Variants in RIBC2 observed in about 807,000 individuals in gnomAD.
RIBC2 encodes RIB43A-like with coiled-coils protein 2.
A neutral mutation model predicts 44.3 loss-of-function variants in RIBC2; 40 were observed. The observed-to-expected ratio is 0.90, with a 90% CI of 0.70 to 1.18. RIBC2 has a LOEUF of 1.18. RIBC2 is among the 50% of genes most tolerant of loss of function. The pLI is 0.00. For missense variants in RIBC2, 459 were observed against 485.5 expected, an observed-to-expected ratio of 0.95 and a Z score of 0.51; for synonymous variants, 171 against 175.0, an observed-to-expected ratio of 0.98 and a Z score of 0.18.
chr22:45,422,220 C>A, intron 3 of RIBC2, 70 bp from the exon 4 acceptor site: 1 of 1,076,284 alleles, frequency 9.3e-7, no homozygotes, highest in Non-Finnish European at 1.4e-6. Flanking sequence ...GAGGCAAAGG[C>A]ACGAACGGCC....
chr22:45,426,234 C>T, intron 5 of RIBC2, 59 bp downstream of exon 5: 1 of 1,433,546 alleles, frequency 7.0e-7, no homozygotes. Flanking sequence ...CTCCCACTGC[C>T]TTCCAGGCAC....
At chr22:45,417,037 G>A in intron 2 of RIBC2, among the ~76,000 whole-genome samples, 1 of 151,824 alleles carries the variant, frequency 6.6e-6, no homozygotes, top group East Asian at 1.9e-4. Flanking sequence ...GAGTAGCTGG[G>A]ACTACAGGCT....
chr22:45,416,409 G>A (rs372627647), intron 2 of RIBC2, among the ~76,000 whole-genome samples: 4 of 152,186 alleles, frequency 2.6e-5, no homozygotes, highest in South Asian at 2.1e-4. Flanking sequence ...AAATTGTTTC[G>A]TTGTAAGTGT....
intron 5 of RIBC2, among the ~76,000 whole-genome samples, chr22:45,428,942 G>T (rs529450035): frequency 6.6e-6 from 1 of 152,318 alleles, no homozygotes; most frequent in East Asian, 1.9e-4. Flanking sequence ...TCAAGTGAAG[G>T]ACTCAGGGGG....
chr22:45,430,954 C>G lies in RIBC2; in HGVS notation c.958C>G (p.Gln320Glu). ...CCTGGACTGGGACCGGCGGAGGATT[C>G]AGGGGGCTCGCGCCACCCTGCTGTT... The part of the protein sequence containing the change: ...RDLDWDRRRI[Q>E]GARATLLFER... The change falls in exon 6 of 7, where the codon CAG becomes GAG. Residue 320 changes from glutamine to glutamate, a missense_variant. Transcript: ENST00000614167. 6.2e-7 allele frequency: 1 copy of G among 1,610,108 alleles called. No individual in the cohort carries two copies. The highest frequency in any genetic ancestry group is 8.5e-7 in the Non-Finnish European group (1 of 1,178,342).
intron 2 of RIBC2, among the ~76,000 whole-genome samples, chr22:45,415,457 A>G (rs1315832514): frequency 6.6e-6 from 1 of 151,978 alleles, no homozygotes; most frequent in Non-Finnish European, 1.5e-5. Context: ...TTTTTTATTA[A>G]TATTTTTAGT....
At chr22:45,421,559 GTAT>G (rs1276148645) in intron 3 of RIBC2, among the ~76,000 whole-genome samples, 17 of 33,516 alleles carry the variant, frequency 5.1e-4, no homozygotes, top group East Asian at 1.6e-3. Flanking sequence ...AATAATAATA[GTAT>G]TATTAATAAT....
chr22:45,429,719 G>C (rs1163876180), intron 5 of RIBC2, among the ~76,000 whole-genome samples: 1 of 152,184 alleles, frequency 6.6e-6, no homozygotes, highest in East Asian at 1.9e-4. Flanking sequence ...CTGTGCTTCA[G>C]GACTGCCGCT....
Position 45,432,488 on chromosome 22 carries a change from G to T in RIBC2, c.*126G>T, listed in dbSNP as rs1455974341. 1.4e-5 allele frequency: 9 copies of T among 630,464 alleles called. No homozygotes were observed. The highest frequency in any genetic ancestry group is 1.3e-4 in the African/African-American group (7 of 53,720). The allele number at this position is 630,464 out of a possible 1,614,324, so 39.1% of individuals were successfully genotyped here. A position where few individuals can be genotyped will look rare whatever the true frequency, so the allele number is the denominator to read the frequency against. ...CCTTCAGCTGTAATCGTCCACTGTG[G>T]ACAAAACATTTATCTAACCTCTCCC... On this transcript the variant is annotated 3_prime_UTR_variant, in exon 7 of 7. Coordinates refer to ENST00000614167, the MANE Select transcript of RIBC2 (RefSeq NM_015653.5).
chr22:45,414,226 A>T (rs1003727307), intron 1 of RIBC2, 96 bp from the exon 2 acceptor site: 4 of 1,495,776 alleles, frequency 2.7e-6, no homozygotes, highest in Non-Finnish European at 3.6e-6. Context: ...ACTCGTTTAC[A>T]GTGGGGCAGA....
At chr22:45,421,351 A>G (rs1365546848) in intron 3 of RIBC2, among the ~76,000 whole-genome samples, 2 of 143,744 alleles carry the variant, frequency 1.4e-5, no homozygotes, top group African/African-American at 5.1e-5. Flanking sequence ...ATAATTAAAT[A>G]ATTAATTATT....
At chr22:45,423,286 A>G (rs1247598485) in intron 4 of RIBC2, among the ~76,000 whole-genome samples, 1 of 151,802 alleles carries the variant, frequency 6.6e-6, no homozygotes, top group Non-Finnish European at 1.5e-5. Context: ...TCGTTTTGGA[A>G]ATTAGAGCTC....
intron 5 of RIBC2, among the ~76,000 whole-genome samples, chr22:45,428,650 C>T (rs1278032379): frequency 6.6e-6 from 1 of 152,096 alleles, no homozygotes; most frequent in African/African-American, 2.4e-5. Flanking sequence ...TGGCTCAGGA[C>T]CACTGAAGTG....
In RIBC2 at chr22:45,432,331, A is replaced by G. The variant is rs560145308; in HGVS notation, c.1118A>G (p.Tyr373Cys). 1.1e-5 allele frequency: 17 copies of G among 1,600,808 alleles called. No individual in the cohort carries two copies. Among genetic ancestry groups the G allele is most frequent in the African/African-American group, 4.0e-5 (3 of 74,626 alleles). ...EVYTNQPTGD[Y>C]FTQFNTGSR is the part of the protein sequence containing the mutation. ...TATACAAATCAACCCACGGGAGACTATTTCACACAATTTAATACAGGAAGT... is the reference window on the plus strand; with the variant it reads ...TATACAAATCAACCCACGGGAGACTGTTTCACACAATTTAATACAGGAAGT... The change falls in exon 7 of 7, where the codon TAT (tyrosine) becomes TGT (cysteine). Residue 373 changes from tyrosine to cysteine, a missense_variant. Tyr to Cys is a radical substitution (Grantham distance 194). Transcript: ENST00000614167.
At chr22:45,421,293 C>G (rs1343790276) in intron 3 of RIBC2, among the ~76,000 whole-genome samples, 3 of 120,124 alleles carry the variant, frequency 2.5e-5, no homozygotes, top group Non-Finnish European at 4.8e-5. Context: ...GACTCCATGT[C>G]AAATAATAAT....
At chr22:45,431,906 G>C (rs1209163441) in intron 6 of RIBC2, among the ~76,000 whole-genome samples, 1 of 152,230 alleles carries the variant, frequency 6.6e-6, no homozygotes, top group East Asian at 1.9e-4. Context: ...CCAGGGGCTG[G>C]AGGCTGCAGT....
chr22:45,418,218 G>A, intron 3 of RIBC2: 1 of 278,084 alleles, frequency 3.6e-6, no homozygotes, highest in Non-Finnish European at 6.8e-6. Flanking sequence ...CCGTGTCGGG[G>A]TCCCAGTTGG....
At chr22:45,429,125 T>C (rs1286186535) in intron 5 of RIBC2, among the ~76,000 whole-genome samples, 1 of 152,126 alleles carries the variant, frequency 6.6e-6, no homozygotes, top group African/African-American at 2.4e-5. Flanking sequence ...GAGACTGTTA[T>C]TGGTAATGAC....
Position 45,432,480 on chromosome 22 carries a change from C to G in RIBC2, c.*118C>G, listed in dbSNP as rs906477845. ...ACAAGTACCCTTCAGCTGTAATCGT[C>G]CACTGTGGACAAAACATTTATCTAA... On this transcript the variant is annotated 3_prime_UTR_variant, in exon 7 of 7. Coordinates refer to ENST00000614167, the MANE Select transcript of RIBC2 (RefSeq NM_015653.5). 2 of 646,990 alleles carry G rather than the reference C, an allele frequency of 3.1e-6. No homozygotes were observed. The highest frequency in any genetic ancestry group is 5.5e-6 in the Non-Finnish European group (2 of 363,764). The allele number at this position is 646,990 out of a possible 1,614,324, so 40.1% of individuals were successfully genotyped here.
Sources: allele counts gnomAD v4.1 joint callset (sites outside exome capture counted in the v4.1 genomes callset), GRCh38; gene constraint gnomAD v4.1.1; transcripts MANE v1.5; gene names NCBI Gene and HGNC (gene_info 2026-07-23, HGNC 2026-07-21).